Variants in JAK2 observed in about 807,000 individuals in gnomAD.
The protein encoded by JAK2 is tyrosine-protein kinase JAK2.
JAK2 carries 86 observed loss-of-function variants against 139.3 expected under a neutral mutation model. The ratio of observed to expected loss-of-function variants is 0.62; its 90% CI spans 0.52 to 0.74. The LOEUF (loss-of-function observed/expected upper bound fraction) is 0.74, where lower values mean the gene tolerates loss of function less well. JAK2 is among the 30% of genes least tolerant of loss of function. The pLI is 0.00. For synonymous variants in JAK2, 490 were observed against 437.7 expected (o/e 1.12, Z -1.49); for missense variants, 1,421 against 1,360.3 (o/e 1.04, Z -0.70).
chr9:5,049,806 C>T (rs148310495), intron 5 of JAK2, among the ~76,000 whole-genome samples: 2 of 152,276 alleles, frequency 1.3e-5, no homozygotes, highest in Non-Finnish European at 2.9e-5. Context: ...TATGCCTAGT[C>T]TGTATGGTAT....
intron 4 of JAK2, among the ~76,000 whole-genome samples, chr9:5,036,069 C>T (rs1049081568): frequency 3.3e-5 from 5 of 152,172 alleles, no homozygotes; most frequent in Non-Finnish European, 5.9e-5. Flanking sequence ...AAATCACAAG[C>T]GTTCTTACCC....
intron 5 of JAK2, among the ~76,000 whole-genome samples, chr9:5,049,778 A>G (rs998173579): frequency 3.9e-5 from 6 of 152,226 alleles, no homozygotes; most frequent in African/African-American, 9.6e-5. Flanking sequence ...ATACAAACCT[A>G]TATGTTATAG....
intron 4 of JAK2, among the ~76,000 whole-genome samples, chr9:5,032,505 G>C (rs1245690177): frequency 1.3e-5 from 2 of 152,200 alleles, no homozygotes; most frequent in Admixed American, 6.5e-5. Context: ...CAAGTAGGGG[G>C]AGACTGACAC....
At chr9:5,008,572 T>C (rs542770310) in intron 2 of JAK2, among the ~76,000 whole-genome samples, 1 of 152,328 alleles carries the variant, frequency 6.6e-6, no homozygotes, top group Admixed American at 6.5e-5. Context: ...GAGGGACCAA[T>C]CTGAATGCAT....
At chr9:5,112,718 C>G (rs1045763022) in intron 22 of JAK2, 2 of 807,948 alleles carry the variant, frequency 2.5e-6, no homozygotes, top group Non-Finnish European at 1.8e-6. Context: ...AGAGCGGAAC[C>G]TGAATCCCAA....
At position 5,112,494 on chromosome 9, in the gene JAK2, G is replaced by A. The variant is rs1165441640; in HGVS notation, c.3060-10510G>A. ...ACCGGACCAGCCCAGACAAGGACGA[G>A]GAGGAAGATGACCTTTTCCCCCCAG... On this transcript the variant is annotated intron_variant, in intron 22 of 24. Coordinates refer to ENST00000381652, the MANE Select transcript of JAK2 (RefSeq NM_004972.4). 5.4e-6 allele frequency: 3 copies of A among 558,704 alleles called. No homozygotes were observed. The African/African-American group carries it at 5.9e-5, about 11-fold the overall frequency. 34.6% of individuals were successfully genotyped at this position (558,704 alleles called of 1,614,324 possible).
intron 3 of JAK2, among the ~76,000 whole-genome samples, chr9:5,025,156 CTGGGAG>C (rs910407171): frequency 2.8e-3 from 430 of 151,300 alleles, no homozygotes; most frequent in African/African-American, 0.01. Flanking sequence ...TTTCCTGTTT[CTGGGAG>C]AAGGATAGGT....
chr9:5,013,407 G>A (rs1821831196), intron 2 of JAK2, among the ~76,000 whole-genome samples: 1 of 152,162 alleles, frequency 6.6e-6, no homozygotes, highest in South Asian at 2.1e-4. Flanking sequence ...GCAATAGAAT[G>A]CAAAATCACA....
intron 15 of JAK2, 127 bp downstream of exon 15, chr9:5,077,707 T>A: frequency 1.9e-6 from 1 of 521,454 alleles, no homozygotes. Context: ...ATAGTCTGTG[T>A]TAGGTGATAA....
chr9:5,062,610 T>C (rs57204002), intron 8 of JAK2, among the ~76,000 whole-genome samples: 42,581 of 151,088 alleles, frequency 0.28, 6,064 homozygotes, highest in South Asian at 0.31. Context: ...GGATACTAGT[T>C]AGTGAACTGC....
At chr9:5,116,928 C>T (rs1823238596) in intron 22 of JAK2, among the ~76,000 whole-genome samples, 1 of 152,194 alleles carries the variant, frequency 6.6e-6, no homozygotes, top group Non-Finnish European at 1.5e-5. Context: ...ACAAATAATT[C>T]AGCTGAAGAT....
At chr9:5,103,013 C>A (rs1483398168) in intron 22 of JAK2, among the ~76,000 whole-genome samples, 3 of 151,876 alleles carry the variant, frequency 2.0e-5, no homozygotes, top group Non-Finnish European at 4.4e-5. Context: ...CAGCTAACAT[C>A]ATAATAACAG....
chr9:5,007,354 A>G (rs942417486), intron 2 of JAK2, among the ~76,000 whole-genome samples: 1 of 152,110 alleles, frequency 6.6e-6, no homozygotes, highest in Admixed American at 6.5e-5. Flanking sequence ...AAATATATTG[A>G]TTAATTTACA....
intron 2 of JAK2, among the ~76,000 whole-genome samples, chr9:5,000,130 AC>A (rs1820844839): frequency 6.6e-6 from 1 of 151,232 alleles, no homozygotes; most frequent in Non-Finnish European, 1.5e-5. Context: ...AATATATTAA[AC>A]CTTTGTAGTA....
intron 18 of JAK2, among the ~76,000 whole-genome samples, chr9:5,080,970 A>G (rs1232828939): frequency 1.5e-5 from 2 of 135,696 alleles, no homozygotes; most frequent in Admixed American, 1.8e-4. Flanking sequence ...ATCTCGGCTC[A>G]CTGCAAGCTC....
intron 19 of JAK2, among the ~76,000 whole-genome samples, chr9:5,084,662 C>T (rs1285023644): frequency 6.6e-6 from 1 of 151,918 alleles, no homozygotes; most frequent in Non-Finnish European, 1.5e-5. Context: ...TCCTCATGCC[C>T]ACATATACTT....
At chr9:4,999,559 ATTAAC>A (rs1230105136) in intron 2 of JAK2, among the ~76,000 whole-genome samples, 1 of 152,226 alleles carries the variant, frequency 6.6e-6, no homozygotes, top group African/African-American at 2.4e-5. Flanking sequence ...TTTATTAAAT[ATTAAC>A]TTAAATGATC....
intron 2 of JAK2, among the ~76,000 whole-genome samples, chr9:5,016,844 C>A (rs1359617754): frequency 6.6e-6 from 1 of 152,084 alleles, no homozygotes; most frequent in African/African-American, 2.4e-5. Context: ...CTTGAGAGGC[C>A]TCCATGGTCA....
intron 4 of JAK2, among the ~76,000 whole-genome samples, chr9:5,032,073 A>G (rs746093255): frequency 3.3e-5 from 5 of 152,222 alleles, no homozygotes; most frequent in African/African-American, 4.8e-5. Context: ...ATACTGCGCT[A>G]TTCTAACGGT....
Sources: allele counts gnomAD v4.1 joint callset (sites outside exome capture counted in the v4.1 genomes callset), GRCh38; gene constraint gnomAD v4.1.1; transcripts MANE v1.5; gene names NCBI Gene and HGNC (gene_info 2026-07-23, HGNC 2026-07-21).